The following CACNB2 variants were observed in gnomAD, a reference collection of about 807,000 sequenced individuals.
CACNB2 encodes the protein voltage-dependent L-type calcium channel subunit beta-2.
In CACNB2, 42 loss-of-function variants were observed where a neutral mutation model predicts 73.3. That is an observed-to-expected ratio of 0.57 (90% CI 0.45 to 0.74). The LOEUF (loss-of-function observed/expected upper bound fraction) is 0.74. CACNB2 is among the 30% of genes least tolerant of loss of function. CACNB2 has a pLI of 0.00. For synonymous variants in CACNB2, 348 were observed against 310.3 expected (o/e 1.12, Z -1.28); for missense variants, 940 against 853.0 (o/e 1.10, Z -1.27).
chr10:18,264,151 C>A (rs1380595856), intron 2 of CACNB2, among the ~76,000 whole-genome samples: 1 of 152,166 alleles, frequency 6.6e-6, no homozygotes, highest in Non-Finnish European at 1.5e-5. Flanking sequence ...GAGACACTAA[C>A]TCTTTTTGGT....
chr10:18,198,720 C>T (rs536625981), intron 2 of CACNB2, among the ~76,000 whole-genome samples: 16 of 152,280 alleles, frequency 1.1e-4, no homozygotes, highest in South Asian at 6.2e-4. Context: ...TGTATGCCCA[C>T]ACTTTTACTT....
chr10:18,192,268 G>GTTCGTTCATTCA (rs1588664762), intron 2 of CACNB2, among the ~76,000 whole-genome samples: 1 of 151,274 alleles, frequency 6.6e-6, no homozygotes, highest in Non-Finnish European at 1.5e-5. Context: ...TCAGACTTAC[G>GTTCGTTCATTCA]TTCATTCATT....
At chr10:18,301,646 T>C (rs552017882) in intron 2 of CACNB2, among the ~76,000 whole-genome samples, 49 of 33,036 alleles carry the variant, frequency 1.5e-3, no homozygotes, top group African/African-American at 4.3e-3. Context: ...CTTTCTCTCT[T>C]TTTTTTTTTT....
intron 2 of CACNB2, among the ~76,000 whole-genome samples, chr10:18,190,198 GCT>G (rs1271842877): frequency 1.3e-5 from 2 of 152,146 alleles, no homozygotes; most frequent in African/African-American, 4.8e-5. Context: ...AAAGGGACAT[GCT>G]CTCTGGGATT....
chr10:18,305,171 G>A (rs1161754768), intron 2 of CACNB2, among the ~76,000 whole-genome samples: 1 of 152,160 alleles, frequency 6.6e-6, no homozygotes, highest in Non-Finnish European at 1.5e-5. Flanking sequence ...AAAGCCTTTG[G>A]GTTACAGGAA....
rs891897654 is a variant in CACNB2 at position 18,168,998 on chromosome 10, T to C, written c.213+18023T>C. On this transcript the variant is annotated intron_variant, in intron 2 of 13. Coordinates refer to ENST00000324631, the MANE Select transcript of CACNB2 (RefSeq NM_201596.3). ...AAAACAACTGTTTTCTTCTGTTTAGTTCATTTATAATCCTCATCTTATTAA... is the reference window on the plus strand; with the variant it reads ...AAAACAACTGTTTTCTTCTGTTTAGCTCATTTATAATCCTCATCTTATTAA... Among the ~76,000 whole-genome samples the C allele has an allele frequency of 3.3e-5, 5 of 152,166 alleles. No individual in the cohort carries two copies. The South Asian group carries it at 1.0e-3, about 31-fold the overall frequency.
At chr10:18,425,950 A>G (rs554450009) in intron 3 of CACNB2, among the ~76,000 whole-genome samples, 1 of 152,236 alleles carries the variant, frequency 6.6e-6, no homozygotes, top group African/African-American at 2.4e-5. Context: ...GTAGGTCTGT[A>G]TCTGAGCTGC....
At chr10:18,361,649 A>G (rs1316449182) in intron 2 of CACNB2, among the ~76,000 whole-genome samples, 3 of 127,792 alleles carry the variant, frequency 2.3e-5, no homozygotes, top group Non-Finnish European at 4.7e-5. Context: ...GTCTTGCTCT[A>G]TTGCTCCGGC....
At chr10:18,228,099 T>C (rs2036069943) in intron 2 of CACNB2, among the ~76,000 whole-genome samples, 1 of 151,636 alleles carries the variant, frequency 6.6e-6, no homozygotes, top group African/African-American at 2.4e-5. Flanking sequence ...CCTCAAAAGG[T>C]TGGGTTAGTT....
At chr10:18,439,493 G>A (rs562018989) in intron 3 of CACNB2, among the ~76,000 whole-genome samples, 4 of 152,120 alleles carry the variant, frequency 2.6e-5, no homozygotes, top group African/African-American at 7.2e-5. Flanking sequence ...TGGCAAGGTC[G>A]CATATTTTGG....
At chr10:18,168,562 A>T (rs1470827590) in intron 2 of CACNB2, among the ~76,000 whole-genome samples, 1 of 151,430 alleles carries the variant, frequency 6.6e-6, no homozygotes, top group African/African-American at 2.4e-5. Flanking sequence ...TGGAGTAAGG[A>T]GCTAAATTTT....
chr10:18,454,641 C>T (rs992265071), intron 3 of CACNB2, among the ~76,000 whole-genome samples: 16 of 152,218 alleles, frequency 1.1e-4, no homozygotes, highest in African/African-American at 3.6e-4. Context: ...TACGTCTGCA[C>T]AGTACTTGCA....
At chr10:18,346,677 A>C (rs1049279831) in intron 2 of CACNB2, among the ~76,000 whole-genome samples, 5 of 151,324 alleles carry the variant, frequency 3.3e-5, no homozygotes, top group Non-Finnish European at 5.9e-5. Context: ...GCTTACTGCA[A>C]CCTCCGCCTC....
At chr10:18,358,953 T>A (rs891888484) in intron 2 of CACNB2, among the ~76,000 whole-genome samples, 1 of 152,182 alleles carries the variant, frequency 6.6e-6, no homozygotes, top group African/African-American at 2.4e-5. Context: ...ATGGCGTTTT[T>A]CTCTTATGCA....
Position 18,542,900 on chromosome 10 carries a change from T to G in CACNB2, c.*3176T>G, listed in dbSNP as rs2054127255. ...TAATAGTTTTTTTTTTTTTTTTTTT[T>G]GGTCATATCCATTTCAGTCTTTCCT... On this transcript the variant is annotated 3_prime_UTR_variant, in exon 14 of 14. Transcript: ENST00000324631. 1.2e-5 allele frequency: 1 copy of G among 86,488 alleles called. No homozygotes were observed. The highest frequency in any genetic ancestry group is 2.4e-5 in the Non-Finnish European group (1 of 42,036). 5.4% of individuals were successfully genotyped at this position (86,488 alleles called of 1,614,324 possible). A position where few individuals can be genotyped will look rare whatever the true frequency, so the allele number is the denominator to read the frequency against.
intron 3 of CACNB2, among the ~76,000 whole-genome samples, chr10:18,452,156 A>T (rs1030165361): frequency 6.6e-6 from 1 of 152,208 alleles, no homozygotes; most frequent in African/African-American, 2.4e-5. Flanking sequence ...GGGCATAGCG[A>T]TGCACACCTT....
intron 3 of CACNB2, among the ~76,000 whole-genome samples, chr10:18,440,663 TG>T (rs75634864): frequency 0.13 from 19,378 of 152,062 alleles, 1,346 homozygotes; most frequent in East Asian, 0.24. Context: ...GAAAAGCTTC[TG>T]TGAAGGTGAC....
chr10:18,292,295 A>G (rs12259697), intron 2 of CACNB2, among the ~76,000 whole-genome samples: 5,464 of 152,296 alleles, frequency 0.036, 321 homozygotes, highest in African/African-American at 0.13. Flanking sequence ...AATGATAGAC[A>G]TGTATAAAGT....
intron 2 of CACNB2, among the ~76,000 whole-genome samples, chr10:18,312,906 G>C (rs569275682): frequency 6.6e-6 from 1 of 152,028 alleles, no homozygotes; most frequent in Non-Finnish European, 1.5e-5. Flanking sequence ...TGACGATTAC[G>C]GACCAAGAGA....
Sources: allele counts gnomAD v4.1 joint callset (sites outside exome capture counted in the v4.1 genomes callset), GRCh38; gene constraint gnomAD v4.1.1; transcripts MANE v1.5; gene names NCBI Gene and HGNC (gene_info 2026-07-23, HGNC 2026-07-21).